The following SEMA3C variants were observed in gnomAD, a reference collection of about 807,000 sequenced individuals.
The protein encoded by SEMA3C is semaphorin 3C.
In SEMA3C, 47 loss-of-function variants were observed where a neutral mutation model predicts 89.4. The observed-to-expected ratio is 0.53, with a 90% confidence interval of 0.42 to 0.67. SEMA3C has a LOEUF of 0.67. Among genes scored for constraint, SEMA3C ranks in the 30% least tolerant of loss-of-function variants. SEMA3C has a pLI of 0.00. For missense variants in SEMA3C, 839 were observed against 929.1 expected (o/e 0.90, Z 1.26); for synonymous variants, 310 against 320.2 (o/e 0.97, Z 0.34).
At chr7:80,848,002 T>C (rs1026162953) in intron 2 of SEMA3C, among the ~76,000 whole-genome samples, 1 of 152,224 alleles carries the variant, frequency 6.6e-6, no homozygotes, top group African/African-American at 2.4e-5. Flanking sequence ...TTGAATGCTT[T>C]CAGATTTTAC....
At chr7:80,880,714 C>T (rs1482690097) in intron 2 of SEMA3C, among the ~76,000 whole-genome samples, 1 of 152,146 alleles carries the variant, frequency 6.6e-6, no homozygotes, top group Non-Finnish European at 1.5e-5. Context: ...CACTTGAGTT[C>T]AAGAGTTCCA....
intron 2 of SEMA3C, among the ~76,000 whole-genome samples, chr7:80,874,675 C>T (rs918029052): frequency 2.0e-5 from 3 of 151,898 alleles, no homozygotes; most frequent in Admixed American, 1.3e-4. Flanking sequence ...ACCAGGTTGA[C>T]CAGGCTGGTC....
intron 5 of SEMA3C, among the ~76,000 whole-genome samples, chr7:80,818,084 A>G (rs181441152): frequency 4.1e-4 from 62 of 152,054 alleles, no homozygotes; most frequent in African/African-American, 1.4e-3. Context: ...ACACACATAT[A>G]ATACACATAA....
intron 2 of SEMA3C, among the ~76,000 whole-genome samples, chr7:80,867,283 T>A (rs1790950309): frequency 1.3e-5 from 2 of 152,146 alleles, no homozygotes; most frequent in African/African-American, 2.4e-5. Flanking sequence ...AACTTTTTTT[T>A]AGAGACAGGA....
At chr7:80,884,423 A>T (rs553418364) in intron 2 of SEMA3C, among the ~76,000 whole-genome samples, 1 of 152,202 alleles carries the variant, frequency 6.6e-6, no homozygotes, top group Non-Finnish European at 1.5e-5. Context: ...AACTTATCAA[A>T]CATTAGATAC....
intron 2 of SEMA3C, among the ~76,000 whole-genome samples, chr7:80,915,466 A>G (rs1444226070): frequency 1.3e-5 from 2 of 152,192 alleles, no homozygotes; most frequent in Non-Finnish European, 2.9e-5. Context: ...TCATTCTGCT[A>G]TTTGAAATTT....
Position 80,842,088 on chromosome 7 carries a change from C to T in SEMA3C, c.104-13343G>A, listed in dbSNP as rs145472686. ...AGGTCAGTGACTCTGCAGTGCTCAG[C>T]GGCTGGAGCAGAGATTTAAACAGTC... On this transcript the variant is annotated intron_variant, in intron 2 of 17. Transcript: ENST00000265361. Among the ~76,000 whole-genome samples the T allele has an allele frequency of 6.5e-3, 992 of 152,214 alleles. 6 individuals carry two copies. The highest frequency in any genetic ancestry group is 0.017 in the Middle Eastern group (5 of 294).
At position 80,895,638 on chromosome 7, in the gene SEMA3C, A is replaced by G. The variant is rs561427638; in HGVS notation, c.103+21041T>C. Among the ~76,000 whole-genome samples the G allele has an allele frequency of 3.9e-5, 6 of 152,320 alleles. No individual in the cohort carries two copies. In the South Asian group the frequency reaches 1.0e-3, roughly 26 times the overall value. ...ACGGAATGATTAGAATGTTGCAGAG[A>G]TTATTAAATTTAAACATAAAAGGGT... On this transcript the variant is annotated intron_variant, in intron 2 of 17. Transcript: ENST00000265361.
intron 2 of SEMA3C, among the ~76,000 whole-genome samples, chr7:80,875,065 T>C (rs113094447): frequency 0.042 from 6,317 of 150,226 alleles, 344 homozygotes; most frequent in African/African-American, 0.13. Flanking sequence ...GCCTGGGCGA[T>C]GGAGCAAGAC....
At chr7:80,901,224 T>A (rs1285382537) in intron 2 of SEMA3C, among the ~76,000 whole-genome samples, 2 of 152,218 alleles carry the variant, frequency 1.3e-5, no homozygotes, top group Non-Finnish European at 1.5e-5. Context: ...AACAATATTC[T>A]AAAACAAAAA....
intron 16 of SEMA3C, among the ~76,000 whole-genome samples, chr7:80,750,435 CATATATATATATATATATATATATAT>C (rs71520704): frequency 0.036 from 2,547 of 71,122 alleles, 139 homozygotes; most frequent in African/African-American, 0.094. Context: ...TACATACGTA[CATATATATATATATATATATATATAT>C]ATATATATAT....
At chr7:80,849,691 C>A (rs1790467786) in intron 2 of SEMA3C, among the ~76,000 whole-genome samples, 2 of 152,050 alleles carry the variant, frequency 1.3e-5, no homozygotes, top group Admixed American at 1.3e-4. Context: ...AGTTATACAG[C>A]AAAACTCTTG....
chr7:80,758,298 A>C (rs1788109003), intron 15 of SEMA3C, 33 bp downstream of exon 15: 2 of 1,595,068 alleles, frequency 1.3e-6, no homozygotes, highest in Non-Finnish European at 1.7e-6. Context: ...GGTGTCCTAC[A>C]TTTGGATGTT....
intron 11 of SEMA3C, among the ~76,000 whole-genome samples, chr7:80,791,015 G>T (rs1378358382): frequency 2.0e-5 from 3 of 152,132 alleles, no homozygotes; most frequent in African/African-American, 7.2e-5. Flanking sequence ...TATCTGGCCT[G>T]CAATTTTGGT....
intron 5 of SEMA3C, among the ~76,000 whole-genome samples, chr7:80,815,075 A>G (rs1414416363): frequency 6.6e-6 from 1 of 152,324 alleles, no homozygotes; most frequent in East Asian, 1.9e-4. Context: ...AGGTCTTTAA[A>G]GCTTTAAAGT....
chr7:80,824,220 T>C (rs1789819682), intron 4 of SEMA3C, among the ~76,000 whole-genome samples: 1 of 152,190 alleles, frequency 6.6e-6, no homozygotes. Flanking sequence ...ATGTTTTGCT[T>C]AGATGATTAA....
intron 11 of SEMA3C, among the ~76,000 whole-genome samples, chr7:80,793,903 G>A (rs550983713): frequency 1.3e-5 from 2 of 149,266 alleles, no homozygotes; most frequent in African/African-American, 4.9e-5. Flanking sequence ...ATAAATAAAG[G>A]GTCTTGGTGG....
intron 10 of SEMA3C, among the ~76,000 whole-genome samples, chr7:80,798,956 CAAGT>C (rs1789132335): frequency 6.6e-6 from 1 of 152,078 alleles, no homozygotes; most frequent in African/African-American, 2.4e-5. Context: ...CCCATAAAAA[CAAGT>C]AAGATACATT....
chr7:80,918,632 T>C (rs533354864), intron 1 of SEMA3C, among the ~76,000 whole-genome samples, 196 bp downstream of exon 1: 1 of 152,170 alleles, frequency 6.6e-6, no homozygotes, highest in South Asian at 2.1e-4. Flanking sequence ...AACTTGAAAC[T>C]CTCCGCAGGT....
Sources: gnomAD v4.1 joint callset for allele counts (sites outside exome capture counted in the v4.1 genomes callset) on GRCh38, gnomAD v4.1.1 for gene constraint, MANE v1.5 for transcripts, NCBI Gene and HGNC (gene_info 2026-07-23, HGNC 2026-07-21) for gene names.